The following TMEM232 variants were observed in gnomAD, a reference collection of about 807,000 sequenced individuals.
TMEM232 encodes the protein transmembrane protein 232.
In TMEM232, 80 loss-of-function variants were observed where a neutral mutation model predicts 78.8. That is an observed-to-expected ratio of 1.01 (90% CI 0.85 to 1.22). The LOEUF (loss-of-function observed/expected upper bound fraction) is 1.22. Ranked by LOEUF, TMEM232 falls within the 50% of genes most tolerant of loss-of-function variation. The pLI is 0.00. For missense variants in TMEM232, 881 were observed against 742.2 expected (o/e 1.19, Z -2.17); for synonymous variants, 297 against 254.3 (o/e 1.17, Z -1.60).
chr5:110,708,930 AT>A (rs1796205242), intron 1 of TMEM232, among the ~76,000 whole-genome samples: 1 of 152,092 alleles, frequency 6.6e-6, no homozygotes, highest in Non-Finnish European at 1.5e-5. Flanking sequence ...ATAAAAAAAA[AT>A]ATAGTGGCCG....
chr5:110,450,499 G>A (rs943511039), intron 12 of TMEM232, among the ~76,000 whole-genome samples: 4 of 151,456 alleles, frequency 2.6e-5, no homozygotes, highest in Admixed American at 6.6e-5. Flanking sequence ...TAACTATTGC[G>A]AGTTAATTCA....
chr5:110,720,234 A>T (rs908273339), intron 1 of TMEM232, among the ~76,000 whole-genome samples: 8 of 150,726 alleles, frequency 5.3e-5, no homozygotes, highest in African/African-American at 2.0e-4. Flanking sequence ...CTCTTGTGAA[A>T]CCTCTCCCCT....
chr5:110,700,762 G>GTAGGTAGGTAGATAGA (rs1795326393), intron 1 of TMEM232, among the ~76,000 whole-genome samples: 2 of 138,986 alleles, frequency 1.4e-5, no homozygotes, highest in South Asian at 2.3e-4. Context: ...AGGTAGGTAG[G>GTAGGTAGGTAGATAGA]TAGGTAGGTA....
At chr5:110,527,421 A>G (rs189003447) in intron 12 of TMEM232, among the ~76,000 whole-genome samples, 1 of 151,942 alleles carries the variant, frequency 6.6e-6, no homozygotes, top group African/African-American at 2.4e-5. Flanking sequence ...CAAGTGAAAA[A>G]TAAATAATAA....
chr5:110,705,622 T>C (rs982578781), intron 1 of TMEM232, among the ~76,000 whole-genome samples: 5 of 151,042 alleles, frequency 3.3e-5, no homozygotes, highest in Non-Finnish European at 7.4e-5. Context: ...GCAGAAGGTA[T>C]ACATTTGTGG....
At chr5:110,636,861 T>A (rs1435423760) in intron 5 of TMEM232, among the ~76,000 whole-genome samples, 1 of 152,172 alleles carries the variant, frequency 6.6e-6, no homozygotes, top group East Asian at 1.9e-4. Flanking sequence ...CTATCAGAAC[T>A]GGTACAAATT....
chr5:110,418,921 A>G (rs900714820), downstream of TMEM232, among the ~76,000 whole-genome samples: 5 of 152,184 alleles, frequency 3.3e-5, no homozygotes, highest in Admixed American at 2.0e-4. Flanking sequence ...CTTAGTTGTT[A>G]TATCTTGCTA....
rs1757067151 is a variant in TMEM232, at chr5:110,424,843, C to T, written c.1777G>A (p.Ala593Thr). The change falls in exon 13 of 14, where the codon GCA becomes ACA. Residue 593 changes from alanine (A) to threonine (T), a missense_variant. Coordinates refer to ENST00000455884, the MANE Select transcript of TMEM232 (RefSeq NM_001039763.4). ...DFFTKADKEL[A>T]KIIDHHWQEE... ...CTTACGTGATGGTCAATGATTTTTGCCAACTCTTTATCTGCCTTGGTGAAG... is the reference window on the plus strand; with the variant it reads ...CTTACGTGATGGTCAATGATTTTTGTCAACTCTTTATCTGCCTTGGTGAAG... The T allele has an allele frequency of 6.5e-7, 1 of 1,548,620 alleles. No homozygotes were observed. The highest frequency in any genetic ancestry group is 1.2e-5 in the South Asian group (1 of 83,504).
At chr5:110,681,028 G>A (rs1380172716) in intron 1 of TMEM232, among the ~76,000 whole-genome samples, 2 of 152,054 alleles carry the variant, frequency 1.3e-5, no homozygotes, top group Non-Finnish European at 2.9e-5. Flanking sequence ...AACTATACAC[G>A]ACGACACTCC....
intron 2 of TMEM232, among the ~76,000 whole-genome samples, chr5:110,657,148 T>A (rs1464528444): frequency 6.6e-6 from 1 of 152,188 alleles, no homozygotes; most frequent in East Asian, 1.9e-4. Flanking sequence ...ACATTGTTGG[T>A]AGGAATGTAC....
At position 110,714,290 on chromosome 5, in the gene TMEM232, G is replaced by A. The variant is rs182360979; in HGVS notation, c.-13+12337C>T. On this transcript the variant is annotated intron_variant, in intron 1 of 13. Transcript: ENST00000455884. ...ATCAATCATCTCCCTCCAGAGACTA[G>A]GACACCTATATGCTCATTAACCCTA... Among the ~76,000 whole-genome samples the A allele has an allele frequency of 1.1e-3, 174 of 152,242 alleles. 1 individual carries two copies. The highest frequency in any genetic ancestry group is 4.1e-3 in the African/African-American group (170 of 41,542).
intron 2 of TMEM232, among the ~76,000 whole-genome samples, chr5:110,666,405 T>C (rs1277884615): frequency 6.6e-6 from 1 of 152,168 alleles, no homozygotes; most frequent in East Asian, 1.9e-4. Flanking sequence ...TTATAAAGCA[T>C]TTGCTATTTT....
intron 1 of TMEM232, among the ~76,000 whole-genome samples, chr5:110,684,332 T>C (rs1023576801): frequency 6.6e-6 from 1 of 152,042 alleles, no homozygotes; most frequent in Non-Finnish European, 1.5e-5. Flanking sequence ...AAAAAATAGA[T>C]TATATCCAAT....
At chr5:110,467,673 T>G (rs958138482) in intron 12 of TMEM232, among the ~76,000 whole-genome samples, 3 of 152,178 alleles carry the variant, frequency 2.0e-5, no homozygotes, top group Admixed American at 6.5e-5. Flanking sequence ...GATAAAAATA[T>G]TCAAATAATA....
At chr5:110,655,910 G>A (rs1305525217) in intron 2 of TMEM232, among the ~76,000 whole-genome samples, 2 of 107,070 alleles carry the variant, frequency 1.9e-5, no homozygotes, top group Non-Finnish European at 3.6e-5. Context: ...CTGTTGTGGG[G>A]TGGGGGGAGG....
At chr5:110,517,726 G>C (rs900288190) in intron 12 of TMEM232, among the ~76,000 whole-genome samples, 1 of 152,196 alleles carries the variant, frequency 6.6e-6, no homozygotes, top group Non-Finnish European at 1.5e-5. Flanking sequence ...ATTTGGGGAG[G>C]AGACATTCTA....
intron 3 of TMEM232, among the ~76,000 whole-genome samples, chr5:110,391,305 G>GTA: frequency 2.1e-5 from 3 of 139,812 alleles, no homozygotes; most frequent in African/African-American, 9.2e-5. Flanking sequence ...GTGTGTGTGT[G>GTA]TGTGTGTGTG....
At chr5:110,472,410 G>C (rs1762783928) in intron 12 of TMEM232, among the ~76,000 whole-genome samples, 3 of 151,668 alleles carry the variant, frequency 2.0e-5, no homozygotes, top group African/African-American at 7.3e-5. Flanking sequence ...TAAATAAATG[G>C]AAAAAATATC....
intron 1 of TMEM232, among the ~76,000 whole-genome samples, chr5:110,718,964 A>G (rs1797299601): frequency 6.6e-6 from 1 of 152,006 alleles, no homozygotes; most frequent in Admixed American, 6.6e-5. Flanking sequence ...ATGTCACTTA[A>G]TGATGGAGAT....
Sources: allele counts gnomAD v4.1 joint callset (sites outside exome capture counted in the v4.1 genomes callset), GRCh38; gene constraint gnomAD v4.1.1; transcripts MANE v1.5; gene names NCBI Gene and HGNC (gene_info 2026-07-23, HGNC 2026-07-21).